The following MPHOSPH6 variants were observed in gnomAD, a reference collection of about 807,000 sequenced individuals.
MPHOSPH6 encodes the protein M-phase phosphoprotein 6.
MPHOSPH6 carries 25 observed loss-of-function variants against 21.8 expected under a neutral mutation model. That is an observed-to-expected ratio of 1.15 (90% confidence interval 0.83 to 1.60). The LOEUF (loss-of-function observed/expected upper bound fraction) is 1.60, where lower values mean the gene tolerates loss of function less well. MPHOSPH6 is among the 40% of genes most tolerant of loss of function. The pLI, the probability that MPHOSPH6 is intolerant of heterozygous loss-of-function variation, is 0.00. For missense variants in MPHOSPH6, 269 were observed against 181.8 expected, an observed-to-expected ratio of 1.48 and a Z score of -2.76; for synonymous variants, 84 against 56.5, an observed-to-expected ratio of 1.49 and a Z score of -2.18.
At chr16:82,154,861 G>C (rs928112709) in intron 2 of MPHOSPH6, among the ~76,000 whole-genome samples, 1 of 152,132 alleles carries the variant, frequency 6.6e-6, no homozygotes, top group Non-Finnish European at 1.5e-5. Context: ...GAACTAAGAA[G>C]AGGAGGTAGG....
In MPHOSPH6 at chr16:82,165,114, C is replaced by CTTTTTTTTTTTTTTTTT. The variant is rs1418457856; in HGVS notation, c.52-921_52-920insAAAAAAAAAAAAAAAAA. On this transcript the variant is annotated intron_variant, in intron 1 of 4. Coordinates refer to ENST00000258169, the MANE Select transcript of MPHOSPH6 (RefSeq NM_005792.2). The stretch of plus-strand genomic sequence containing the variant: ...TTTCCCTTATTCAGGTCCGATATTT[C>CTTTTTTTTTTTTTTTTT]TTTTTTATTTTTTTTTTTATTTTTT... 5.8e-4 allele frequency among the ~76,000 whole-genome samples: 37 copies of CTTTTTTTTTTTTTTTTT among 63,938 alleles called. 9 individuals are homozygous for CTTTTTTTTTTTTTTTTT. The highest frequency in any genetic ancestry group is 9.1e-4 in the East Asian group (2 of 2,194). 41.9% of individuals were successfully genotyped at this position (63,938 alleles called of 152,430 possible). A position where few individuals can be genotyped will look rare whatever the true frequency, so the allele number is the denominator to read the frequency against.
intron 3 of MPHOSPH6, chr16:82,151,153 C>G (rs1346296272): frequency 4.0e-6 from 1 of 248,898 alleles, no homozygotes. Flanking sequence ...TCTTGACGTT[C>G]CTGTAAAAGA....
chr16:82,160,427 C>G (rs1189304969), intron 2 of MPHOSPH6, among the ~76,000 whole-genome samples: 1 of 152,164 alleles, frequency 6.6e-6, no homozygotes, highest in East Asian at 1.9e-4. Flanking sequence ...TCTCACATTC[C>G]TGCACATTTT....
chr16:82,148,638 T>A lies in MPHOSPH6; in HGVS notation c.*93A>T. ...ATCTCTTTACAAGTAAACGTTACAG[T>A]ATTAATAACTATAGAGACACCATTG... On this transcript the variant is annotated 3_prime_UTR_variant, in exon 5 of 5. Transcript: ENST00000258169. 7.1e-7 allele frequency: 1 copy of A among 1,413,248 alleles called. No homozygotes were observed. The highest frequency in any genetic ancestry group is 9.5e-7 in the Non-Finnish European group (1 of 1,047,558). The allele number at this position is 1,413,248 out of a possible 1,614,324, so 87.5% of individuals were successfully genotyped here.
chr16:82,150,452 A>G (rs1204331613), intron 3 of MPHOSPH6, among the ~76,000 whole-genome samples: 1 of 152,154 alleles, frequency 6.6e-6, no homozygotes, highest in Non-Finnish European at 1.5e-5. Context: ...ATTATCACAC[A>G]TGCCTCCTCC....
At chr16:82,156,947 G>A (rs977183269) in intron 2 of MPHOSPH6, among the ~76,000 whole-genome samples, 2 of 152,124 alleles carry the variant, frequency 1.3e-5, no homozygotes, top group African/African-American at 2.4e-5. Flanking sequence ...CAGCTACTCC[G>A]GAGGCTGAGG....
chr16:82,148,978 T>C (rs770053612), intron 4 of MPHOSPH6, 115 bp from the exon 5 acceptor site: 4 of 1,294,740 alleles, frequency 3.1e-6, no homozygotes, highest in African/African-American at 1.5e-5. Flanking sequence ...AAGAAAACTA[T>C]CATTAAAAGA....
chr16:82,166,761 C>G lies in MPHOSPH6; in HGVS notation c.52-2567G>C, dbSNP rs1567616675. 3.3e-5 allele frequency among the ~76,000 whole-genome samples: 5 copies of G among 152,298 alleles called. No homozygotes were observed. In the South Asian group the frequency reaches 1.0e-3, roughly 32 times the overall value. ...GATGCCTCATTTCATCACTAATATT[C>G]CTCGTGGTAAAACTCATCAATACTG... On this transcript the variant is annotated intron_variant, in intron 1 of 4. Coordinates refer to ENST00000258169, the MANE Select transcript of MPHOSPH6 (RefSeq NM_005792.2).
At chr16:82,163,666 T>C (rs779057669) in intron 2 of MPHOSPH6, among the ~76,000 whole-genome samples, 1 of 152,202 alleles carries the variant, frequency 6.6e-6, no homozygotes, top group Non-Finnish European at 1.5e-5. Context: ...AGTAACAATT[T>C]AAAAGAAGAA....
At position 82,149,316 on chromosome 16, in the gene MPHOSPH6, C is replaced by T. The variant is rs1906187175; in HGVS notation, c.343G>A (p.Ala115Thr). ...VELDVSDEEMARRYETLVGTI... is the reference protein window; with the variant it reads ...VELDVSDEEMTRRYETLVGTI... Reference sequence around the variant, plus strand: ...GCTGCGCAGCACGGTTACCTTCTAGCCATCTCTTCATCTGACACATCAAGC... The same window carrying T: ...GCTGCGCAGCACGGTTACCTTCTAGTCATCTCTTCATCTGACACATCAAGC... The change falls in exon 4 of 5, where the codon GCT becomes ACT. Residue 115 changes from alanine to threonine, a missense_variant. Coordinates refer to ENST00000258169, the MANE Select transcript of MPHOSPH6 (RefSeq NM_005792.2). 1.9e-6 allele frequency: 3 copies of T among 1,613,172 alleles called. No homozygotes were observed. Among genetic ancestry groups the T allele is most frequent in the Non-Finnish European group, 2.5e-6 (3 of 1,179,976 alleles).
chr16:82,148,728 A>G lies in MPHOSPH6; in HGVS notation c.*3T>C. The G allele has an allele frequency of 1.2e-6, 2 of 1,614,036 alleles. No homozygotes were observed. The highest frequency in any genetic ancestry group is 1.7e-6 in the Non-Finnish European group (2 of 1,180,002). On this transcript the variant is annotated 3_prime_UTR_variant, in exon 5 of 5. Transcript: ENST00000258169. ...CCCTGGGCCATCGCTTAAGGCATCC[A>G]TCTTAATCCTGGGGCTTTAAGAACA...
intron 1 of MPHOSPH6, among the ~76,000 whole-genome samples, chr16:82,167,115 T>C (rs1421905316): frequency 6.6e-6 from 1 of 152,194 alleles, no homozygotes; most frequent in Non-Finnish European, 1.5e-5. Context: ...ACAGAGACTG[T>C]CTGGCTCATA....
intron 3 of MPHOSPH6, among the ~76,000 whole-genome samples, chr16:82,149,756 C>T (rs2142403291): frequency 6.6e-6 from 1 of 152,164 alleles, no homozygotes; most frequent in South Asian, 2.1e-4. Flanking sequence ...TGAACTTCCC[C>T]CACCCATCTT....
At chr16:82,162,525 T>C (rs2967350) in intron 2 of MPHOSPH6, among the ~76,000 whole-genome samples, 118,114 of 152,138 alleles carry the variant, frequency 0.78, 45,993 homozygotes, top group Admixed American at 0.84. Context: ...TGAATGGAGG[T>C]AGCAGCTCCT....
At position 82,148,704 on chromosome 16, in the gene MPHOSPH6, C is replaced by T. The variant is rs774399026; in HGVS notation, c.*27G>A. ...GCCCTGCTGACTTCCACCAAGCACCCCTGGGCCATCGCTTAAGGCATCCAT... is the reference window on the plus strand; with the variant it reads ...GCCCTGCTGACTTCCACCAAGCACCTCTGGGCCATCGCTTAAGGCATCCAT... On this transcript the variant is annotated 3_prime_UTR_variant, in exon 5 of 5. Transcript: ENST00000258169. The T allele has an allele frequency of 5.6e-6, 9 of 1,612,564 alleles. No individual in the cohort carries two copies. Among genetic ancestry groups the T allele is most frequent in the South Asian group, 1.1e-5 (1 of 90,952 alleles).
intron 1 of MPHOSPH6, among the ~76,000 whole-genome samples, chr16:82,168,442 A>T (rs959458518): frequency 6.7e-6 from 1 of 150,062 alleles, no homozygotes; most frequent in Non-Finnish European, 1.5e-5. Context: ...ACTCCATTCA[A>T]ATCTTGCCCA....
At chr16:82,160,961 T>A (rs1906588162) in intron 2 of MPHOSPH6, among the ~76,000 whole-genome samples, 1 of 53,710 alleles carries the variant, frequency 1.9e-5, no homozygotes, top group South Asian at 5.7e-4. Context: ...GAAAGCAACA[T>A]CCTTATCTCA....
At chr16:82,159,538 G>C (rs1303800971) in intron 2 of MPHOSPH6, among the ~76,000 whole-genome samples, 3 of 152,086 alleles carry the variant, frequency 2.0e-5, no homozygotes, top group Non-Finnish European at 4.4e-5. Context: ...CTGAGAAGCT[G>C]GGACTACAGG....
intron 2 of MPHOSPH6, among the ~76,000 whole-genome samples, chr16:82,156,433 A>T (rs1023461069): frequency 2.0e-5 from 3 of 152,068 alleles, no homozygotes; most frequent in African/African-American, 4.8e-5. Flanking sequence ...AAACAAAACA[A>T]AAACAAAACT....
Sources: allele counts gnomAD v4.1 joint callset (sites outside exome capture counted in the v4.1 genomes callset), GRCh38; gene constraint gnomAD v4.1.1; transcripts MANE v1.5; gene names NCBI Gene and HGNC (gene_info 2026-07-23, HGNC 2026-07-21).